IBA57: variants seen among roughly 807,000 people sequenced by gnomAD.
The protein encoded by IBA57 is iron-sulfur cluster assembly factor IBA57, mitochondrial.
IBA57 carries 20 observed loss-of-function variants against 20.4 expected under a neutral mutation model. The observed-to-expected ratio is 0.98, with a 90% CI of 0.69 to 1.42. The LOEUF is 1.42. Ranked by LOEUF, IBA57 falls within the 40% of genes most tolerant of loss-of-function variation. The pLI is 0.00. For missense variants in IBA57, 608 were observed against 499.3 expected (o/e 1.22, Z -2.07); for synonymous variants, 310 against 233.9 (o/e 1.33, Z -2.97).
In IBA57 at chr1:228,166,167, T is replaced by C. The variant is rs1396817744; in HGVS notation, c.341+10T>C. 2.1e-6 allele frequency: 3 copies of C among 1,445,812 alleles called. No homozygotes were observed. Among genetic ancestry groups the C allele is most frequent in the Non-Finnish European group, 2.7e-6 (3 of 1,092,726 alleles). 89.6% of individuals were successfully genotyped at this position (1,445,812 alleles called of 1,614,324 possible). A position where few individuals can be genotyped will look rare whatever the true frequency, so the allele number is the denominator to read the frequency against. On this transcript the variant is annotated intron_variant, in intron 1 of 2. Coordinates refer to ENST00000366711, the MANE Select transcript of IBA57 (RefSeq NM_001010867.4). ...ACGTCATCTTGTACGGGTGAGCGCGTGCTGGGAGGGCGCTCGGGGGCGGGC... is the reference window on the plus strand; with the variant it reads ...ACGTCATCTTGTACGGGTGAGCGCGCGCTGGGAGGGCGCTCGGGGGCGGGC...
rs1006929673 is a variant in IBA57 at position 228,180,543 on chromosome 1, T to A, written c.*5030T>A. ...AAGGCTTATCAGAGTTTTCAGATAATCTCTAAAAGAATGGAAATATATCTT... is the reference window on the plus strand; with the variant it reads ...AAGGCTTATCAGAGTTTTCAGATAAACTCTAAAAGAATGGAAATATATCTT... On this transcript the variant is annotated 3_prime_UTR_variant, in exon 3 of 3. Transcript: ENST00000366711. The A allele has an allele frequency of 6.6e-6, 1 of 152,080 alleles. No individual in the cohort carries two copies. The highest frequency in any genetic ancestry group is 1.5e-5 in the Non-Finnish European group (1 of 68,010). The allele number at this position is 152,080 out of a possible 1,614,324, so 9.4% of individuals were successfully genotyped here.
chr1:228,178,006 CGT>C lies in IBA57; in HGVS notation c.*2513_*2514del, dbSNP rs57766523. ...TTGTGTTGTAAAAACATAGGAAGTT[CGT>C]GTGTGTGTGTGTGTGTGTGAATTCA... On this transcript the variant is annotated 3_prime_UTR_variant, in exon 3 of 3. Transcript: ENST00000366711. 25 of 149,150 alleles carry C rather than the reference CGT, an allele frequency of 1.7e-4. No homozygotes were observed. Among genetic ancestry groups the C allele is most frequent in the African/African-American group, 2.4e-4 (10 of 40,876 alleles). 9.2% of individuals were successfully genotyped at this position (149,150 alleles called of 1,614,324 possible). A position where few individuals can be genotyped will look rare whatever the true frequency, so the allele number is the denominator to read the frequency against.
chr1:228,175,228 C>T lies in IBA57; in HGVS notation c.786C>T (p.Gly262=), dbSNP rs1571919019. Residue 262 remains glycine (G), a synonymous_variant, in exon 3 of 3, where the codon GGC becomes GGT. Transcript: ENST00000366711. ...GCTTCACCAAAGGCTGCTACATTGG[C>T]CAGGAGCTGACGGCCCGCACCCACC... ...GVSFTKGCYI[G]QELTARTHHM... 1 of 1,612,926 alleles carries T rather than the reference C, an allele frequency of 6.2e-7. No individual in the cohort carries two copies. The highest frequency in any genetic ancestry group is 2.2e-5 in the East Asian group (1 of 44,872).
chr1:228,175,396 G>A lies in IBA57; in HGVS notation c.954G>A (p.Gly318=). The stretch of plus-strand genomic sequence containing the variant: ...TCAGGGCTGGCCAGGGCAACGTGGG[G>A]CTGGCCCTGCTGTGGTCAGAGAAGA... ...GKFRAGQGNV[G]LALLWSEKIK... Residue 318 remains glycine, a synonymous_variant, in exon 3 of 3, where the codon GGG becomes GGA. Coordinates refer to ENST00000366711, the MANE Select transcript of IBA57 (RefSeq NM_001010867.4). The A allele has an allele frequency of 6.2e-7, 1 of 1,612,946 alleles. No homozygotes were observed. Among genetic ancestry groups the A allele is most frequent in the Non-Finnish European group, 8.5e-7 (1 of 1,179,934 alleles).
intron 1 of IBA57, among the ~76,000 whole-genome samples, chr1:228,168,411 G>A (rs925365827): frequency 4.6e-5 from 7 of 152,164 alleles, no homozygotes; most frequent in Non-Finnish European, 8.8e-5. Context: ...CTTAAAGGTG[G>A]GTTTTCAACT....
intron 1 of IBA57, chr1:228,172,168 C>G (rs1473439948): frequency 6.6e-6 from 1 of 151,260 alleles, no homozygotes; most frequent in Admixed American, 6.6e-5. Context: ...AAACAAAACC[C>G]GTGGGAGAGA....
chr1:228,174,696 C>T lies in IBA57; in HGVS notation c.346C>T (p.Gln116Ter), dbSNP rs1339829600. The change falls in exon 2 of 3, where the codon CAG becomes TAG. Residue 116 changes from glutamine to a stop codon, truncating the protein, a stop_gained. Coordinates refer to ENST00000366711, the MANE Select transcript of IBA57 (RefSeq NM_001010867.4). LOFTEE classifies it high-confidence loss of function. The stretch of plus-strand genomic sequence containing the variant: ...CCCCTGCCTCTCTCCCTGCAGGCTC[C>T]AGGAACACTCGGAGGTGTCTGGCTT... ...TLYDVILYGLQEHSEVSGFLL... is the reference protein window; with the variant it reads ...TLYDVILYGL 1.3e-6 allele frequency: 2 copies of T among 1,559,602 alleles called. No homozygotes were observed. The highest frequency in any genetic ancestry group is 2.7e-5 in the African/African-American group (2 of 74,290).
At chr1:228,169,534 T>G (rs1055353077) in intron 1 of IBA57, among the ~76,000 whole-genome samples, 5 of 152,194 alleles carry the variant, frequency 3.3e-5, no homozygotes, top group African/African-American at 9.6e-5. Context: ...CTGATGAACC[T>G]CTGTTGACAT....
At chr1:228,166,335 G>T (rs549326225) in intron 1 of IBA57, among the ~76,000 whole-genome samples, 178 bp downstream of exon 1, 1 of 152,108 alleles carries the variant, frequency 6.6e-6, no homozygotes, top group African/African-American at 2.4e-5. Context: ...GGCACTCAGG[G>T]TCAGGCACCC....
rs760288293 is a variant in IBA57 at position 228,175,437 on chromosome 1, A to G, written c.995A>G (p.His332Arg). The G allele has an allele frequency of 1.2e-6, 2 of 1,611,724 alleles. No homozygotes were observed. Among genetic ancestry groups the G allele is most frequent in the Non-Finnish European group, 1.7e-6 (2 of 1,179,302 alleles). Residue 332 changes from histidine to arginine, a missense_variant, in exon 3 of 3, where the codon CAC becomes CGC. Coordinates refer to ENST00000366711, the MANE Select transcript of IBA57 (RefSeq NM_001010867.4). ...TCAGAGAAGATCAAGGGTCCTCTGC[A>G]CATCAGAGCCTCTGAGGGTGCCCAG... ...LWSEKIKGPL[H>R]IRASEGAQVA...
At chr1:228,168,757 G>A (rs149077089) in intron 1 of IBA57, among the ~76,000 whole-genome samples, 42 of 152,140 alleles carry the variant, frequency 2.8e-4, no homozygotes, top group African/African-American at 9.4e-4. Flanking sequence ...GAAGGGTGAC[G>A]TCATCCAACT....
intron 1 of IBA57, among the ~76,000 whole-genome samples, chr1:228,168,073 A>G (rs918112355): frequency 6.6e-6 from 1 of 152,178 alleles, no homozygotes; most frequent in Admixed American, 6.5e-5. Context: ...TTTGCACTAC[A>G]TAGGTCACTT....
chr1:228,166,043 A>G lies in IBA57; in HGVS notation c.227A>G (p.Asn76Ser), dbSNP rs1168294957. The change falls in exon 1 of 3, where the codon AAT becomes AGT. Residue 76 changes from asparagine (N) to serine (S), a missense_variant. Coordinates refer to ENST00000366711, the MANE Select transcript of IBA57 (RefSeq NM_001010867.4). Reference sequence around the variant, plus strand: ...CCCTTCCTGCTAGGGCTGCTGACCAATGAACTGCCGCTTCCGAGTCCTGCG... The same window carrying G: ...CCCTTCCTGCTAGGGCTGCTGACCAGTGAACTGCCGCTTCCGAGTCCTGCG... The part of the protein sequence containing the change: ...AAPFLLGLLT[N>S]ELPLPSPAAA... 111 of 1,538,316 alleles carry G rather than the reference A, an allele frequency of 7.2e-5. No homozygotes were observed. Among genetic ancestry groups the G allele is most frequent in the Non-Finnish European group, 9.4e-5 (108 of 1,147,632 alleles).
intron 1 of IBA57, chr1:228,171,866 C>A (rs1469876165): frequency 6.5e-6 from 1 of 152,962 alleles, no homozygotes; most frequent in African/African-American, 2.4e-5. Flanking sequence ...TGCCCATGAC[C>A]TCACATCTGT....
Position 228,176,744 on chromosome 1 carries a change from C to G in IBA57, c.*1231C>G, listed in dbSNP as rs1386189125. The G allele has an allele frequency of 6.6e-6, 1 of 152,374 alleles. No homozygotes were observed. The highest frequency in any genetic ancestry group is 2.4e-5 in the African/African-American group (1 of 41,454). The allele number at this position is 152,374 out of a possible 1,614,324, so 9.4% of individuals were successfully genotyped here. A position where few individuals can be genotyped will look rare whatever the true frequency, so the allele number is the denominator to read the frequency against. On this transcript the variant is annotated 3_prime_UTR_variant, in exon 3 of 3. Transcript: ENST00000366711. ...CAGGTGCTCTCTAGAAATCTGCAGCCATGGCGGTTTTGGGGTCAGGGGTCT... is the reference window on the plus strand; with the variant it reads ...CAGGTGCTCTCTAGAAATCTGCAGCGATGGCGGTTTTGGGGTCAGGGGTCT...
Position 228,179,115 on chromosome 1 carries a change from A to T in IBA57, c.*3602A>T, listed in dbSNP as rs1455160649. Reference sequence around the variant, plus strand: ...ATTTTTTTTTTTTTTTGAGATACCAAAACATCCTAAGGTACAGGAAAGAAA... The same window carrying T: ...ATTTTTTTTTTTTTTTGAGATACCATAACATCCTAAGGTACAGGAAAGAAA... On this transcript the variant is annotated 3_prime_UTR_variant, in exon 3 of 3. Coordinates refer to ENST00000366711, the MANE Select transcript of IBA57 (RefSeq NM_001010867.4). The T allele has an allele frequency of 6.6e-6, 1 of 151,744 alleles. No individual in the cohort carries two copies. Among genetic ancestry groups the T allele is most frequent in the Non-Finnish European group, 1.5e-5 (1 of 67,910 alleles). The allele number at this position is 151,744 out of a possible 1,614,324, so 9.4% of individuals were successfully genotyped here.
At chr1:228,167,264 C>T (rs960714432) in intron 1 of IBA57, among the ~76,000 whole-genome samples, 37 of 151,924 alleles carry the variant, frequency 2.4e-4, no homozygotes, top group African/African-American at 8.2e-4. Context: ...TGGTGAAATA[C>T]GGCCCTGAGG....
In IBA57 at chr1:228,179,511, G is replaced by A. The variant is rs2035075538; in HGVS notation, c.*3998G>A. The A allele has an allele frequency of 1.3e-5, 2 of 152,186 alleles. No homozygotes were observed. The allele number at this position is 152,186 out of a possible 1,614,324, so 9.4% of individuals were successfully genotyped here. The stretch of plus-strand genomic sequence containing the variant: ...TTAGTATGACATCCGCAATTTACGA[G>A]TAATTCCAGAAGGAGGGGAAAGAGA... On this transcript the variant is annotated 3_prime_UTR_variant, in exon 3 of 3. Coordinates refer to ENST00000366711, the MANE Select transcript of IBA57 (RefSeq NM_001010867.4).
chr1:228,178,722 T>C lies in IBA57; in HGVS notation c.*3209T>C, dbSNP rs919300747. On this transcript the variant is annotated 3_prime_UTR_variant, in exon 3 of 3. Coordinates refer to ENST00000366711, the MANE Select transcript of IBA57 (RefSeq NM_001010867.4). ...CATCCTAAGAAGTATACGTTCATTG[T>C]AAAATCATTATCATCATCATCTTCT... 1 of 152,236 alleles carries C rather than the reference T, an allele frequency of 6.6e-6. No homozygotes were observed. The allele number at this position is 152,236 out of a possible 1,614,324, so 9.4% of individuals were successfully genotyped here.
Sources: gnomAD v4.1 joint callset for allele counts (sites outside exome capture counted in the v4.1 genomes callset) on GRCh38, gnomAD v4.1.1 for gene constraint, MANE v1.5 for transcripts, NCBI Gene and HGNC (gene_info 2026-07-23, HGNC 2026-07-21) for gene names.